The following YTHDF2 variants were observed in gnomAD, a reference collection of about 807,000 sequenced individuals.
YTHDF2 encodes the protein YTH N6-methyladenosine RNA binding protein F2.
Under a neutral mutation model 50.4 loss-of-function variants are expected in YTHDF2, and 2 were observed. The observed-to-expected ratio is 0.04, with a 90% CI of 0.02 to 0.12. The LOEUF (loss-of-function observed/expected upper bound fraction) is 0.12, where lower values mean the gene tolerates loss of function less well. YTHDF2 is among the 10% of genes least tolerant of loss of function. The pLI is 1.00. For synonymous variants in YTHDF2, 217 were observed against 255.6 expected (o/e 0.85, Z 1.44); for missense variants, 483 against 722.6 (o/e 0.67, Z 3.80).
chr1:28,765,257 C>T (rs755442504), intron 4 of YTHDF2, among the ~76,000 whole-genome samples: 13 of 152,082 alleles, frequency 8.5e-5, no homozygotes, highest in Admixed American at 5.2e-4. Context: ...CTGCCTCGGC[C>T]TCAAAGTACT....
At chr1:28,754,632 G>T (rs1478286823) in intron 4 of YTHDF2, among the ~76,000 whole-genome samples, 1 of 151,982 alleles carries the variant, frequency 6.6e-6, no homozygotes, top group Non-Finnish European at 1.5e-5. Context: ...GACCAGCCTG[G>T]CAACATGGTG....
intron 4 of YTHDF2, among the ~76,000 whole-genome samples, chr1:28,751,590 G>T (rs571712333): frequency 6.6e-6 from 1 of 152,106 alleles, no homozygotes; most frequent in Non-Finnish European, 1.5e-5. Flanking sequence ...TAGATAAAAC[G>T]CCTCTTTCTG....
At chr1:28,748,149 A>G (rs1201344264) in intron 4 of YTHDF2, among the ~76,000 whole-genome samples, 1 of 152,010 alleles carries the variant, frequency 6.6e-6, no homozygotes, top group African/African-American at 2.4e-5. Context: ...ACCAAAAAAA[A>G]GAACTGCTGG....
At chr1:28,746,066 G>A (rs980996862) in intron 4 of YTHDF2, among the ~76,000 whole-genome samples, 1 of 152,052 alleles carries the variant, frequency 6.6e-6, no homozygotes, top group Non-Finnish European at 1.5e-5. Context: ...ACAGTATTTT[G>A]TAGAAAAAGA....
chr1:28,739,515 G>T (rs2087746316), intron 3 of YTHDF2, among the ~76,000 whole-genome samples: 1 of 151,486 alleles, frequency 6.6e-6, no homozygotes, highest in Non-Finnish European at 1.5e-5. Context: ...GCCCAATCTG[G>T]TCTTGAATTC....
At chr1:28,737,295 C>A in intron 1 of YTHDF2, 148 bp downstream of exon 1, 1 of 1,045,178 alleles carries the variant, frequency 9.6e-7, no homozygotes, top group Non-Finnish European at 1.3e-6. Flanking sequence ...CCGGCCGCGC[C>A]CGGCGCCTCT....
intron 4 of YTHDF2, among the ~76,000 whole-genome samples, chr1:28,765,139 C>T (rs1024708042): frequency 6.6e-6 from 1 of 151,910 alleles, no homozygotes; most frequent in Non-Finnish European, 1.5e-5. Flanking sequence ...GCAGCTGGGA[C>T]TATAGGTGTG....
At chr1:28,762,916 G>A (rs993631761) in intron 4 of YTHDF2, among the ~76,000 whole-genome samples, 3 of 151,496 alleles carry the variant, frequency 2.0e-5, no homozygotes, top group East Asian at 2.0e-4. Flanking sequence ...TGGCTCACCC[G>A]GGTTCAAGTG....
intron 4 of YTHDF2, among the ~76,000 whole-genome samples, chr1:28,747,137 T>A (rs1034443252): frequency 2.0e-5 from 3 of 152,126 alleles, no homozygotes; most frequent in Non-Finnish European, 2.9e-5. Context: ...TTTGCTAGAG[T>A]GGTTCAGTTA....
chr1:28,767,530 A>G (rs1007423057), intron 4 of YTHDF2, among the ~76,000 whole-genome samples: 1 of 151,640 alleles, frequency 6.6e-6, no homozygotes, highest in Non-Finnish European at 1.5e-5. Context: ...ATTTTTTGAG[A>G]TAGAGTCTCG....
chr1:28,762,364 T>C (rs1332122441), intron 4 of YTHDF2, among the ~76,000 whole-genome samples: 1 of 152,046 alleles, frequency 6.6e-6, no homozygotes, highest in Non-Finnish European at 1.5e-5. Context: ...GGCACTCCAG[T>C]CTGGGCAACA....
At position 28,743,254 on chromosome 1, in the gene YTHDF2, A is replaced by G. The variant is rs2087807675; in HGVS notation, c.984A>G (p.Pro328=). ...AQASVGQQTQ[P]LPPPPPQPAQ... ...CATCAGTAGGGCAACAGACACAGCC[A>G]TTGCCTCCACCTCCACCACAGCCTG... Residue 328 remains proline (P), a synonymous_variant, in exon 4 of 5, where the codon CCA becomes CCG. Coordinates refer to ENST00000373812, the MANE Select transcript of YTHDF2 (RefSeq NM_016258.3). The surrounding 1 kb of genome is among the most constrained non-coding windows in gnomAD (Gnocchi z 6.9). 1 of 1,614,066 alleles carries G rather than the reference A, an allele frequency of 6.2e-7. No homozygotes were observed. The highest frequency in any genetic ancestry group is 8.5e-7 in the Non-Finnish European group (1 of 1,180,024).
rs199498914 is a variant in YTHDF2 at position 28,737,646 on chromosome 1, C to T, written c.28-12C>T. On this transcript the variant is annotated splice_polypyrimidine_tract_variant and intron_variant, in intron 1 of 4. Coordinates refer to ENST00000373812, the MANE Select transcript of YTHDF2 (RefSeq NM_016258.3). ...ACAACTTGCTGCTCGGCGACGTTTC[C>T]TTCCCCTGCAGAGACCAAAAGGTCA... is the stretch of plus-strand genomic sequence containing the variant. The T allele has an allele frequency of 3.2e-5, 51 of 1,613,758 alleles. No individual in the cohort carries two copies. In the African/African-American group the frequency reaches 4.8e-4, roughly 15 times the overall value.
chr1:28,737,310 C>T (rs1183118057), intron 1 of YTHDF2, 163 bp downstream of exon 1: 6 of 912,234 alleles, frequency 6.6e-6, no homozygotes, highest in East Asian at 3.1e-5. Flanking sequence ...GCCTCTCCCT[C>T]AGCCTGTTCT....
chr1:28,767,319 CTA>C (rs1433921383), intron 4 of YTHDF2, among the ~76,000 whole-genome samples: 3 of 151,954 alleles, frequency 2.0e-5, no homozygotes, highest in East Asian at 3.8e-4. Context: ...TTTTTCTTGA[CTA>C]TTTTAAATGC....
At chr1:28,744,426 G>A (rs1301215363) in intron 4 of YTHDF2, among the ~76,000 whole-genome samples, 1 of 152,146 alleles carries the variant, frequency 6.6e-6, no homozygotes, top group East Asian at 1.9e-4. Flanking sequence ...GAGTCAATAT[G>A]TCATCACCAA....
At chr1:28,756,822 A>G (rs2088041969) in intron 4 of YTHDF2, among the ~76,000 whole-genome samples, 1 of 152,210 alleles carries the variant, frequency 6.6e-6, no homozygotes, top group Non-Finnish European at 1.5e-5. Flanking sequence ...TTTAAGGGAC[A>G]GCATGATGAA....
chr1:28,751,664 C>T (rs896919752), intron 4 of YTHDF2, among the ~76,000 whole-genome samples: 18 of 152,150 alleles, frequency 1.2e-4, no homozygotes, highest in African/African-American at 4.1e-4. Flanking sequence ...CTGAACCATG[C>T]CCCTTGTATC....
In YTHDF2 at chr1:28,742,909, C is replaced by T. The variant is rs570263651; in HGVS notation, c.639C>T (p.Ser213=). The part of the protein sequence containing the change: ...VPKVVGSAVG[S]GSITSNIVAS... ...AAGTTGTAGGTTCTGCTGTTGGTAG[C>T]GGGTCCATTACTAGTAACATCGTGG... The change falls in exon 4 of 5, where the codon AGC becomes AGT. Residue 213 remains serine, a synonymous_variant. Transcript: ENST00000373812. 1.2e-4 allele frequency: 201 copies of T among 1,614,104 alleles called. No individual in the cohort carries two copies. The highest frequency in any genetic ancestry group is 1.6e-4 in the Middle Eastern group (1 of 6,062).
Sources: allele counts gnomAD v4.1 joint callset (sites outside exome capture counted in the v4.1 genomes callset), GRCh38; gene constraint gnomAD v4.1.1; non-coding constraint Gnocchi (gnomAD v3.1); transcripts MANE v1.5; gene names NCBI Gene and HGNC (gene_info 2026-07-23, HGNC 2026-07-21).